MRPL47: variants seen among roughly 807,000 people sequenced by gnomAD.
MRPL47 encodes large ribosomal subunit protein uL29m.
In MRPL47, 31 loss-of-function variants were observed where a neutral mutation model predicts 34.0. That is an observed-to-expected ratio of 0.91 (90% CI 0.68 to 1.23). The LOEUF is 1.23. Among genes scored for constraint, MRPL47 ranks in the 50% most tolerant of loss-of-function variants. MRPL47 has a pLI of 0.00. For synonymous variants in MRPL47, 106 were observed against 101.6 expected, an observed-to-expected ratio of 1.04 and a Z score of -0.26; for missense variants, 328 against 285.8, an observed-to-expected ratio of 1.15 and a Z score of -1.07.
At chr3:179,589,121 T>G in intron 6 of MRPL47, 126 bp from the exon 7 acceptor site, 11 of 895,158 alleles carry the variant, frequency 1.2e-5, no homozygotes, top group Non-Finnish European at 1.8e-5. Flanking sequence ...TTTGGTGTGT[T>G]ATATATATTA....
Position 179,598,427 on chromosome 3 carries a change from A to ACACACACACACACAC in MRPL47, c.402+247_402+248insGTGTGTGTGTGTGTG, listed in dbSNP as rs1445696121. On this transcript the variant is annotated intron_variant, in intron 4 of 6. Transcript: ENST00000476781. ...ACACACACACACACACACACACACA[A>ACACACACACACACAC]ACAAAAAAAAAAAAACAAAAAACAC... is the stretch of plus-strand genomic sequence containing the variant. Among the ~76,000 whole-genome samples, 88 of 49,142 alleles carry ACACACACACACACAC rather than the reference A, an allele frequency of 1.8e-3. 1 individual carries two copies. The East Asian group carries it at 0.063, about 35-fold the overall frequency. The allele number at this position is 49,142 out of a possible 152,430, so 32.2% of individuals were successfully genotyped here. A position where few individuals can be genotyped will look rare whatever the true frequency, so the allele number is the denominator to read the frequency against.
intron 1 of MRPL47, among the ~76,000 whole-genome samples, chr3:179,603,368 T>C (rs1718975808): frequency 6.6e-6 from 1 of 151,934 alleles, no homozygotes; most frequent in Non-Finnish European, 1.5e-5. Context: ...CAAAACCTCA[T>C]CTTTAACAAA....
intron 3 of MRPL47, among the ~76,000 whole-genome samples, chr3:179,600,914 G>C (rs1293228301): frequency 2.0e-5 from 3 of 152,090 alleles, no homozygotes; most frequent in Admixed American, 1.3e-4. Context: ...AACAATTACA[G>C]TCCAAACAAA....
chr3:179,592,760 TA>T, intron 5 of MRPL47, 21 bp from the exon 6 acceptor site: 1 of 1,504,722 alleles, frequency 6.6e-7, no homozygotes, highest in Non-Finnish European at 9.2e-7. Flanking sequence ...AGCAAAAAGT[TA>T]TTTGCCTTAA....
intron 4 of MRPL47, 144 bp from the exon 5 acceptor site, chr3:179,594,039 T>G (rs937586542): frequency 1.4e-6 from 1 of 724,504 alleles, no homozygotes; most frequent in African/African-American, 1.8e-5. Flanking sequence ...CCTAAAAATC[T>G]TTTTGGCACA....
At chr3:179,591,794 G>C (rs1423907439) in intron 6 of MRPL47, among the ~76,000 whole-genome samples, 1 of 151,954 alleles carries the variant, frequency 6.6e-6, no homozygotes, top group Admixed American at 6.6e-5. Context: ...TAAAACTTTT[G>C]AAAGGATACA....
intron 6 of MRPL47, among the ~76,000 whole-genome samples, chr3:179,590,029 A>C (rs1183081054): frequency 6.6e-6 from 1 of 152,202 alleles, no homozygotes; most frequent in African/African-American, 2.4e-5. Flanking sequence ...GGATTGATAC[A>C]TTCTCATACA....
intron 1 of MRPL47, among the ~76,000 whole-genome samples, 187 bp downstream of exon 1, chr3:179,604,340 G>A (rs1719005958): frequency 6.6e-6 from 1 of 152,218 alleles, no homozygotes; most frequent in Non-Finnish European, 1.5e-5. Flanking sequence ...ACAAAATGAG[G>A]AAGGAATAGA....
At chr3:179,592,357 T>C (rs1718693290) in intron 6 of MRPL47, among the ~76,000 whole-genome samples, 1 of 151,724 alleles carries the variant, frequency 6.6e-6, no homozygotes, top group Admixed American at 6.6e-5. Context: ...ACCATGTCCG[T>C]CTAATTTTTT....
chr3:179,594,523 C>T (rs1315706731), intron 4 of MRPL47, among the ~76,000 whole-genome samples: 1 of 152,214 alleles, frequency 6.6e-6, no homozygotes, highest in African/African-American at 2.4e-5. Context: ...TGCTCTGTCA[C>T]TCAGGCTAGA....
chr3:179,593,169 G>A (rs1393932476), intron 5 of MRPL47, among the ~76,000 whole-genome samples: 2 of 152,190 alleles, frequency 1.3e-5, no homozygotes, highest in East Asian at 1.9e-4. Flanking sequence ...CAGCATGAAG[G>A]CTGATTACCA....
intron 1 of MRPL47, among the ~76,000 whole-genome samples, chr3:179,603,566 A>G (rs1718980865): frequency 6.6e-6 from 1 of 152,066 alleles, no homozygotes; most frequent in African/African-American, 2.4e-5. Flanking sequence ...AAACCTCACA[A>G]TTTTGCAACA....
At chr3:179,597,652 C>CA (rs1316321325) in intron 4 of MRPL47, among the ~76,000 whole-genome samples, 1 of 151,908 alleles carries the variant, frequency 6.6e-6, no homozygotes, top group Admixed American at 6.6e-5. Context: ...ATTAAAAATA[C>CA]AAAAAATTAG....
chr3:179,601,185 G>A (rs533316071), intron 3 of MRPL47, among the ~76,000 whole-genome samples: 9 of 152,306 alleles, frequency 5.9e-5, no homozygotes, highest in Admixed American at 5.2e-4. Flanking sequence ...GCTGAGGTAG[G>A]AGGATCACTT....
rs1301257965 is a variant in MRPL47 at position 179,604,615 on chromosome 3, C to T, written c.10G>A (p.Ala4Thr). The T allele has an allele frequency of 1.9e-6, 3 of 1,614,102 alleles. No individual in the cohort carries two copies. The highest frequency in any genetic ancestry group is 1.7e-5 in the Admixed American group (1 of 59,996). MAAAGLALLCRRVS... is the reference protein window; with the variant it reads MAATGLALLCRRVS... ...CTCCTACAAAGAAGGGCCAAACCGG[C>T]CGCAGCCATGTTTTCGCATAACTGG... The change falls in exon 1 of 7, where the codon GCC (alanine) becomes ACC (threonine). Residue 4 changes from alanine to threonine, a missense_variant. By Grantham distance (58) the Ala-to-Thr change is moderately conservative. Coordinates refer to ENST00000476781, the MANE Select transcript of MRPL47 (RefSeq NM_020409.3).
At chr3:179,603,751 T>C (rs1402348426) in intron 1 of MRPL47, among the ~76,000 whole-genome samples, 1 of 152,212 alleles carries the variant, frequency 6.6e-6, no homozygotes, top group East Asian at 1.9e-4. Context: ...GTTTAAAAAT[T>C]ACTGTGCATC....
At chr3:179,596,487 T>A (rs1718791263) in intron 4 of MRPL47, among the ~76,000 whole-genome samples, 1 of 152,218 alleles carries the variant, frequency 6.6e-6, no homozygotes, top group South Asian at 2.1e-4. Flanking sequence ...ATTGAGAAAG[T>A]GCAGTACATA....
At chr3:179,594,779 C>T (rs536135933) in intron 4 of MRPL47, among the ~76,000 whole-genome samples, 119 of 152,096 alleles carry the variant, frequency 7.8e-4, no homozygotes, top group African/African-American at 2.7e-3. Flanking sequence ...CAACCGCACC[C>T]GGCCTTCTAT....
intron 3 of MRPL47, among the ~76,000 whole-genome samples, chr3:179,600,739 C>G (rs112410461): frequency 6.6e-6 from 1 of 152,078 alleles, no homozygotes; most frequent in Non-Finnish European, 1.5e-5. Context: ...ACAGGGTGGC[C>G]GAGAAGTGGT....
Sources: allele counts gnomAD v4.1 joint callset (sites outside exome capture counted in the v4.1 genomes callset), GRCh38; gene constraint gnomAD v4.1.1; transcripts MANE v1.5; gene names NCBI Gene and HGNC (gene_info 2026-07-23, HGNC 2026-07-21).